Variants in ARAP2 observed in about 807,000 individuals in gnomAD.
ARAP2 encodes arf-GAP with Rho-GAP domain, ANK repeat and PH domain-containing protein 2.
ARAP2 carries 148 observed loss-of-function variants against 194.5 expected under a neutral mutation model. The ratio of observed to expected loss-of-function variants is 0.76; its 90% CI spans 0.67 to 0.87. The LOEUF (loss-of-function observed/expected upper bound fraction) is 0.87. Among genes scored for constraint, ARAP2 ranks in the 40% least tolerant of loss-of-function variants. The pLI is 0.00. For missense variants in ARAP2, 2,128 were observed against 1,989.7 expected (o/e 1.07, Z -1.32); for synonymous variants, 695 against 683.5 (o/e 1.02, Z -0.26).
chr4:36,094,354 C>G (rs750380071), intron 27 of ARAP2, among the ~76,000 whole-genome samples: 1 of 152,088 alleles, frequency 6.6e-6, no homozygotes, highest in African/African-American at 2.4e-5. Flanking sequence ...GTTTCAGAGA[C>G]CTTATGGCTT....
chr4:36,186,842 C>T (rs1401846748), intron 8 of ARAP2, among the ~76,000 whole-genome samples: 1 of 152,198 alleles, frequency 6.6e-6, no homozygotes, highest in African/African-American at 2.4e-5. Context: ...CATTTAGTTG[C>T]AAGAAAACAA....
At chr4:36,062,874 T>G (rs1724691611), downstream of ARAP2, among the ~76,000 whole-genome samples, 2 of 152,186 alleles carry the variant, frequency 1.3e-5, no homozygotes, top group South Asian at 4.1e-4. Context: ...GTTAAAATAA[T>G]TATACAACTT....
At chr4:36,042,693 T>C (rs1172146755) in intron 5 of ARAP2, among the ~76,000 whole-genome samples, 1 of 152,208 alleles carries the variant, frequency 6.6e-6, no homozygotes, top group African/African-American at 2.4e-5. Context: ...CTTTCAAGTA[T>C]ACCTTTTAAA....
chr4:36,032,610 A>G (rs989689046), intron 5 of ARAP2, among the ~76,000 whole-genome samples: 2 of 152,248 alleles, frequency 1.3e-5, no homozygotes, highest in African/African-American at 4.8e-5. Flanking sequence ...TTTTAAGATT[A>G]TAAAATTATA....
At chr4:36,034,843 T>C (rs1719641283) in intron 5 of ARAP2, among the ~76,000 whole-genome samples, 1 of 152,208 alleles carries the variant, frequency 6.6e-6, no homozygotes, top group African/African-American at 2.4e-5. Context: ...CCTATTGGGA[T>C]AAGCATGAGG....
At chr4:36,213,897 A>C (rs1249231581) in intron 3 of ARAP2, among the ~76,000 whole-genome samples, 2 of 152,090 alleles carry the variant, frequency 1.3e-5, no homozygotes, top group African/African-American at 4.8e-5. Context: ...AAGAATTCTC[A>C]ATATTTGCAT....
At chr4:36,122,754 A>C (rs1029217744) in intron 22 of ARAP2, among the ~76,000 whole-genome samples, 1 of 151,732 alleles carries the variant, frequency 6.6e-6, no homozygotes, top group African/African-American at 2.4e-5. Flanking sequence ...CCTGAACTTA[A>C]AAGTTTACAA....
intron 7 of ARAP2, among the ~76,000 whole-genome samples, chr4:36,192,501 T>A (rs570621838): frequency 6.6e-5 from 10 of 152,146 alleles, no homozygotes; most frequent in African/African-American, 2.4e-4. Context: ...CCAGCAACAG[T>A]TTTATGGCAT....
At chr4:36,105,414 T>C (rs956666151) in intron 27 of ARAP2, among the ~76,000 whole-genome samples, 22 of 152,024 alleles carry the variant, frequency 1.4e-4, no homozygotes, top group Non-Finnish European at 7.4e-5. Context: ...TTCTTCTGCT[T>C]TGCTTCTCTA....
rs779748049 is a variant in ARAP2 at position 36,128,594 on chromosome 4, G to A, written c.3579C>T (p.Leu1193=). 6.2e-7 allele frequency: 1 copy of A among 1,612,912 alleles called. No individual in the cohort carries two copies. Among genetic ancestry groups the A allele is most frequent in the African/African-American group, 1.3e-5 (1 of 74,756 alleles). ...EDVTAVLKSF[L]SDIDDALLTK... is the part of the protein sequence containing the mutation. ...TAAGCAGTGCATCATCAATGTCAGA[G>A]AGAAAACTTTTCAACACAGCCGTCA... Residue 1193 remains leucine (L), a synonymous_variant, in exon 21 of 33, where the codon CTC becomes CTT. Transcript: ENST00000303965.
At chr4:36,008,398 A>T (rs1335632310) in intron 9 of ARAP2, among the ~76,000 whole-genome samples, 1 of 152,086 alleles carries the variant, frequency 6.6e-6, no homozygotes, top group African/African-American at 2.4e-5. Flanking sequence ...CATACCTATA[A>T]CCATCTGATT....
intron 32 of ARAP2, among the ~76,000 whole-genome samples, 161 bp downstream of exon 32, chr4:36,073,528 A>T (rs1193089359): frequency 6.6e-6 from 1 of 152,142 alleles, no homozygotes; most frequent in Non-Finnish European, 1.5e-5. Flanking sequence ...GTATAAGGTT[A>T]TTCATACTGT....
At chr4:36,073,998 A>C (rs1190870110) in intron 31 of ARAP2, among the ~76,000 whole-genome samples, 175 bp from the exon 32 acceptor site, 3 of 151,934 alleles carry the variant, frequency 2.0e-5, no homozygotes, top group African/African-American at 7.3e-5. Flanking sequence ...AGGACATGAA[A>C]CTCTTAACTG....
Position 36,244,308 on chromosome 4 carries a change from C to G in ARAP2, c.-289G>C, listed in dbSNP as rs892920026. 1 of 151,816 alleles carries G rather than the reference C, an allele frequency of 6.6e-6. No homozygotes were observed. The highest frequency in any genetic ancestry group is 2.4e-5 in the African/African-American group (1 of 41,366). 9.4% of individuals were successfully genotyped at this position (151,816 alleles called of 1,614,324 possible). ...CGGAGGCGCCAGGCCTCCTCTTTCC[C>G]GGTCCCCGCCGGCTGTCCGCAGTCG... On this transcript the variant is annotated 5_prime_UTR_variant, in exon 1 of 33. Coordinates refer to ENST00000303965, the MANE Select transcript of ARAP2 (RefSeq NM_015230.4).
In ARAP2 at chr4:36,210,417, C is replaced by T. The variant is rs2109268418; in HGVS notation, c.1460G>A (p.Gly487Glu). 10 of 1,612,558 alleles carry T rather than the reference C, an allele frequency of 6.2e-6. No homozygotes were observed. The highest frequency in any genetic ancestry group is 8.5e-6 in the Non-Finnish European group (10 of 1,179,280). ...YGASAKKVKS[G>E]WLDKLSPQGK... ...TTGAGGAGAGAGTTTATCCAGCCAT[C>T]CTGATTTAACCTTCTTTGCAGATGC... The change falls in exon 6 of 33, where the codon GGA becomes GAA. Residue 487 changes from glycine to glutamate, a missense_variant. Physicochemically the swap from Gly to Glu is moderately conservative, Grantham distance 98. Coordinates refer to ENST00000303965, the MANE Select transcript of ARAP2 (RefSeq NM_015230.4).
At chr4:36,226,232 TCA>T (rs1750277205) in intron 2 of ARAP2, among the ~76,000 whole-genome samples, 1 of 152,040 alleles carries the variant, frequency 6.6e-6, no homozygotes. Flanking sequence ...TCTCAAAGAC[TCA>T]GTCACAAATT....
intron 27 of ARAP2, among the ~76,000 whole-genome samples, chr4:36,098,833 T>A (rs1411758388): frequency 1.3e-5 from 2 of 152,136 alleles, no homozygotes; most frequent in Non-Finnish European, 2.9e-5. Flanking sequence ...CAAGATGTAA[T>A]ATCACCCTTG....
At chr4:36,081,695 A>G (rs1729592049) in intron 30 of ARAP2, among the ~76,000 whole-genome samples, 1 of 151,984 alleles carries the variant, frequency 6.6e-6, no homozygotes. Flanking sequence ...CTCCTGGAAT[A>G]ATCCAGGCAG....
intron 28 of ARAP2, among the ~76,000 whole-genome samples, chr4:36,090,071 G>T (rs750323160): frequency 9.9e-5 from 15 of 151,740 alleles, no homozygotes; most frequent in Non-Finnish European, 2.1e-4. Context: ...ACAATAAGGG[G>T]GATATTACTA....
Sources: gnomAD v4.1 joint callset for allele counts (sites outside exome capture counted in the v4.1 genomes callset) on GRCh38, gnomAD v4.1.1 for gene constraint, MANE v1.5 for transcripts, NCBI Gene and HGNC (gene_info 2026-07-23, HGNC 2026-07-21) for gene names.